The following ENTREP2 variants were observed in gnomAD, a reference collection of about 807,000 sequenced individuals.
The protein encoded by ENTREP2 is protein ENTREP2.
At chr15:29,571,637 TA>T in the ENTREP2 span, among the ~76,000 whole-genome samples, 10 of 151,850 alleles carry the variant, frequency 6.6e-5, no homozygotes, top group South Asian at 4.2e-4. Flanking sequence ...GTTTGGGCTT[TA>T]AAAAAAAATT....
At chr15:29,152,604 G>C in the ENTREP2 span, among the ~76,000 whole-genome samples, 9 of 152,206 alleles carry the variant, frequency 5.9e-5, no homozygotes, top group Non-Finnish European at 1.3e-4. Flanking sequence ...TGTATCAGTA[G>C]TTGACTTCTT....
chr15:29,521,712 C>T, the ENTREP2 span, among the ~76,000 whole-genome samples: 1 of 152,128 alleles, frequency 6.6e-6, no homozygotes. Flanking sequence ...ATTCAGGGGC[C>T]TCTCCTGAAC....
At chr15:29,403,857 A>G in the ENTREP2 span, among the ~76,000 whole-genome samples, 1 of 152,200 alleles carries the variant, frequency 6.6e-6, no homozygotes, top group African/African-American at 2.4e-5. Context: ...TTGCACCCCC[A>G]AAGGGTTGCC....
the ENTREP2 span, among the ~76,000 whole-genome samples, chr15:29,167,696 G>C: frequency 5.9e-5 from 9 of 152,258 alleles, no homozygotes; most frequent in Non-Finnish European, 1.2e-4. Flanking sequence ...TGGTGAACAG[G>C]GAGCACTTCT....
chr15:29,446,908 T>C, the ENTREP2 span, among the ~76,000 whole-genome samples: 1 of 152,318 alleles, frequency 6.6e-6, no homozygotes, highest in East Asian at 1.9e-4. Flanking sequence ...GATTCTCCTC[T>C]TCTGCCTCCC....
the ENTREP2 span, among the ~76,000 whole-genome samples, chr15:29,567,835 CAG>C: frequency 6.6e-6 from 1 of 152,154 alleles, no homozygotes; most frequent in Non-Finnish European, 1.5e-5. Context: ...GTGCAAACCA[CAG>C]AGAGGGCCTA....
the ENTREP2 span, among the ~76,000 whole-genome samples, chr15:29,340,230 T>C: frequency 6.6e-6 from 1 of 152,244 alleles, no homozygotes; most frequent in East Asian, 1.9e-4. Flanking sequence ...ACAATACATA[T>C]ACTGGGTTTT....
chr15:29,614,664 C>T, the ENTREP2 span, among the ~76,000 whole-genome samples: 1 of 152,118 alleles, frequency 6.6e-6, no homozygotes, highest in Non-Finnish European at 1.5e-5. Flanking sequence ...CATTCAGATC[C>T]CATTTAGAAC....
At chr15:29,434,862 A>G in the ENTREP2 span, among the ~76,000 whole-genome samples, 1 of 152,158 alleles carries the variant, frequency 6.6e-6, no homozygotes, top group Admixed American at 6.5e-5. Context: ...AATTTTGGTA[A>G]AACAATCAAG....
the ENTREP2 span, among the ~76,000 whole-genome samples, chr15:29,118,848 GA>G: frequency 5.9e-5 from 9 of 152,218 alleles, no homozygotes; most frequent in African/African-American, 1.4e-4. Flanking sequence ...CCTGGTGTGG[GA>G]AAGCCAGGTA....
chr15:29,329,144 C>T, the ENTREP2 span, among the ~76,000 whole-genome samples: 3 of 151,932 alleles, frequency 2.0e-5, no homozygotes, highest in Admixed American at 6.6e-5. Flanking sequence ...GGGTGGATCA[C>T]GAGGTCAGGG....
chr15:29,242,984 G>A, the ENTREP2 span, among the ~76,000 whole-genome samples: 4 of 152,220 alleles, frequency 2.6e-5, no homozygotes, highest in African/African-American at 9.6e-5. Flanking sequence ...CAGGGACGTG[G>A]TGCCCAGGAG....
the ENTREP2 span, among the ~76,000 whole-genome samples, chr15:29,433,224 G>T: frequency 6.6e-6 from 1 of 152,086 alleles, no homozygotes; most frequent in African/African-American, 2.4e-5. Context: ...AGCCTAGGAG[G>T]GTAGGTCTCA....
chr15:29,594,624 C>A, the ENTREP2 span, among the ~76,000 whole-genome samples: 4 of 152,138 alleles, frequency 2.6e-5, no homozygotes, highest in African/African-American at 9.7e-5. Context: ...ACTGAAAGGG[C>A]TTTAAGCAGA....
At chr15:29,537,796 T>C in the ENTREP2 span, among the ~76,000 whole-genome samples, 1 of 152,110 alleles carries the variant, frequency 6.6e-6, no homozygotes, top group South Asian at 2.1e-4. Flanking sequence ...CTGATGGGGA[T>C]CCCTGTCCCA....
At chr15:29,622,196 G>GTTTATTTTAT in the ENTREP2 span, among the ~76,000 whole-genome samples, 176 of 151,520 alleles carry the variant, frequency 1.2e-3, no homozygotes, top group African/African-American at 3.8e-3. Context: ...GGTTAAAATA[G>GTTTATTTTAT]TTTATTTTAT....
chr15:29,183,215 G>A, the ENTREP2 span, among the ~76,000 whole-genome samples: 1 of 152,264 alleles, frequency 6.6e-6, no homozygotes, highest in Non-Finnish European at 1.5e-5. Flanking sequence ...AAGGGAAATC[G>A]TTTAGAGTAA....
At chr15:29,233,931 T>C in the ENTREP2 span, 1 of 1,566,520 alleles carries the variant, frequency 6.4e-7, no homozygotes, top group Middle Eastern at 1.7e-4. Flanking sequence ...TCAGCTGGAG[T>C]ATCTACTTCC....
At chr15:29,477,021 C>A in the ENTREP2 span, among the ~76,000 whole-genome samples, 1 of 152,104 alleles carries the variant, frequency 6.6e-6, no homozygotes, top group Non-Finnish European at 1.5e-5. Flanking sequence ...TACCCTAGTG[C>A]CATCAACAGC....
Sources: gnomAD v4.1 joint callset for allele counts (sites outside exome capture counted in the v4.1 genomes callset) on GRCh38, gnomAD v4.1.1 for gene constraint, MANE v1.5 for transcripts, NCBI Gene and HGNC (gene_info 2026-07-23, HGNC 2026-07-21) for gene names.